RECQL5: variants seen among roughly 807,000 people sequenced by gnomAD.
The protein encoded by RECQL5 is ATP-dependent DNA helicase Q5.
Under a neutral mutation model 103.4 loss-of-function variants are expected in RECQL5, and 88 were observed. The ratio of observed to expected loss-of-function variants is 0.85; its 90% CI spans 0.72 to 1.02. RECQL5 has a LOEUF of 1.02. Ranked by LOEUF, RECQL5 falls within the 50% of genes least tolerant of loss-of-function variation. The pLI is 0.00. For synonymous variants in RECQL5, 552 were observed against 507.9 expected, an observed-to-expected ratio of 1.09 and a Z score of -1.17; for missense variants, 1,232 against 1,284.3, an observed-to-expected ratio of 0.96 and a Z score of 0.62.
At chr17:75,635,979 TAAAG>T in intron 8 of RECQL5, 1 of 430,256 alleles carries the variant, frequency 2.3e-6, no homozygotes, top group Non-Finnish European at 3.1e-6. Context: ...AGATGCCACA[TAAAG>T]GAATGCTTCC....
At chr17:75,658,273 A>T in intron 7 of RECQL5, 25 bp downstream of exon 7, 1 of 1,606,434 alleles carries the variant, frequency 6.2e-7, no homozygotes, top group East Asian at 2.2e-5. Flanking sequence ...TCAGACTGAA[A>T]GACCTTCTAC....
At position 75,640,139 on chromosome 17, in the gene RECQL5, C is replaced by T; in HGVS notation, c.1230-8471G>A. On this transcript the variant is annotated intron_variant, in intron 8 of 19. Transcript: ENST00000317905. This position sits in a 1 kb window ranked among gnomAD's most constrained non-coding sequence, Gnocchi z 4.6. ...ACGAGTGTGGGGCCAGCCGTGGAGG[C>T]TCCAGGTGTTCTCTCTGCCCCAGCA... is the stretch of plus-strand genomic sequence containing the variant. 3 of 1,488,166 alleles carry T rather than the reference C, an allele frequency of 2.0e-6. No individual in the cohort carries two copies. The highest frequency in any genetic ancestry group is 2.7e-6 in the Non-Finnish European group (3 of 1,121,862). 92.2% of individuals were successfully genotyped at this position (1,488,166 alleles called of 1,614,324 possible). A position where few individuals can be genotyped will look rare whatever the true frequency, so the allele number is the denominator to read the frequency against.
intron 8 of RECQL5, chr17:75,633,316 TG>T: frequency 1.6e-6 from 1 of 630,824 alleles, no homozygotes; most frequent in Non-Finnish European, 2.3e-6. Flanking sequence ...ACAGCGGGGC[TG>T]GGGTCGGTTT....
chr17:75,634,325 C>T lies in RECQL5; in HGVS notation c.1230-2657G>A, dbSNP rs528935623. On this transcript the variant is annotated intron_variant, in intron 8 of 19. Transcript: ENST00000317905. Reference sequence around the variant, plus strand: ...AGAGGTCTTCGGGGACATGCTGGGTCGCTTCCCTGCAGGGAAGTCAGCCAG... The same window carrying T: ...AGAGGTCTTCGGGGACATGCTGGGTTGCTTCCCTGCAGGGAAGTCAGCCAG... The T allele has an allele frequency of 6.9e-4, 634 of 919,546 alleles. 1 individual carries two copies. Among genetic ancestry groups the T allele is most frequent in the South Asian group, 3.8e-3 (76 of 19,982 alleles). The allele number at this position is 919,546 out of a possible 1,614,324, so 57.0% of individuals were successfully genotyped here.
At chr17:75,628,608 C>G in intron 17 of RECQL5, 64 bp downstream of exon 17, 1 of 1,523,828 alleles carries the variant, frequency 6.6e-7, no homozygotes, top group South Asian at 1.3e-5. Flanking sequence ...GAGCAGGGCA[C>G]AACAGCTCCT....
chr17:75,629,270 C>T lies in RECQL5; in HGVS notation c.2153G>A (p.Gly718Glu). 6.2e-7 allele frequency: 1 copy of T among 1,605,224 alleles called. No individual in the cohort carries two copies. The highest frequency in any genetic ancestry group is 1.1e-5 in the South Asian group (1 of 90,562). ...PLPGPRGEVP[G>E]GSAHYGGPSP... ...GGGCCCCCCATAGTGAGCGCTGCCT[C>T]CAGGGACCTCCCCTCTGGGCCCAGG... Residue 718 changes from glycine (G) to glutamate (E), a missense_variant, in exon 16 of 20, where the codon GGA becomes GAA. Physicochemically the swap from Gly to Glu is moderately conservative, Grantham distance 98. Transcript: ENST00000317905.
Position 75,630,273 on chromosome 17 carries a change from C to T in RECQL5, c.1723G>A (p.Asp575Asn), listed in dbSNP as rs763219972. The T allele has an allele frequency of 4.5e-6, 7 of 1,556,460 alleles. No homozygotes were observed. Among genetic ancestry groups the T allele is most frequent in the Non-Finnish European group, 6.1e-6 (7 of 1,149,330 alleles). ...AGCTCCACGGCCTTGGCCCGGAGGT[C>T]AGCTCTGTGGGTGCAAGGTAACAGG... The part of the protein sequence containing the change: ...RQSTRTADEA[D>N]LRAKAVELEH... The change falls in exon 14 of 20, where the codon GAC becomes AAC. Residue 575 changes from aspartate (D) to asparagine (N), a missense_variant. Coordinates refer to ENST00000317905, the MANE Select transcript of RECQL5 (RefSeq NM_004259.7).
intron 8 of RECQL5, chr17:75,634,101 C>T (rs944145976): frequency 3.5e-5 from 34 of 985,416 alleles, no homozygotes; most frequent in Non-Finnish European, 4.0e-5. Flanking sequence ...TGGGCTGAGG[C>T]GCCCAGGGGA....
intron 8 of RECQL5, among the ~76,000 whole-genome samples, chr17:75,645,882 G>A (rs1224801025): frequency 6.6e-6 from 1 of 152,124 alleles, no homozygotes; most frequent in Non-Finnish European, 1.5e-5. Flanking sequence ...AAAGCTCCTA[G>A]ATCTTTACCA....
intron 4 of RECQL5, 54 bp downstream of exon 4, chr17:75,662,425 C>T: frequency 6.4e-7 from 1 of 1,558,628 alleles, no homozygotes; most frequent in Admixed American, 1.8e-5. Flanking sequence ...CCATCTCCAT[C>T]ACATCGCACC....
chr17:75,662,607 T>C lies in RECQL5; in HGVS notation c.643A>G (p.Ile215Val), dbSNP rs755333845. The change falls in exon 4 of 20, where the codon ATC becomes GTC. Residue 215 changes from isoleucine (I) to valine (V), a missense_variant. Physicochemically the swap from Ile to Val is conservative, Grantham distance 29 (BLOSUM62 3). Transcript: ENST00000317905. ...GCCCGGAAGCAGGGAGTCTTGAAGA[T>C]GGCAACTGGTTTCTTCAGGTGCAGG... ...AALHLKKPVA[I>V]FKTPCFRANL... 1 of 1,614,076 alleles carries C rather than the reference T, an allele frequency of 6.2e-7. No homozygotes were observed. Among genetic ancestry groups the C allele is most frequent in the African/African-American group, 1.3e-5 (1 of 74,926 alleles).
intron 8 of RECQL5, chr17:75,648,977 G>T (rs1035941526): frequency 6.6e-6 from 1 of 152,134 alleles, no homozygotes; most frequent in African/African-American, 2.4e-5. Context: ...ACAGGTATGA[G>T]CCACCATGGC....
intron 8 of RECQL5, among the ~76,000 whole-genome samples, chr17:75,633,106 TG>T (rs2059250437): frequency 6.6e-6 from 1 of 152,246 alleles, no homozygotes; most frequent in African/African-American, 2.4e-5. Flanking sequence ...AGGGCGCTCC[TG>T]CCCCCACTCT....
At chr17:75,665,205 C>T (rs146268842) in intron 2 of RECQL5, 33 bp from the exon 3 acceptor site, 11 of 1,583,402 alleles carry the variant, frequency 6.9e-6, no homozygotes, top group African/African-American at 1.4e-5. Context: ...TATCTCAGTG[C>T]TTCCTGCCTT....
chr17:75,628,950 G>A lies in RECQL5; in HGVS notation c.2473C>T (p.Leu825Phe), dbSNP rs199907830. The change falls in exon 16 of 20, where the codon CTC (leucine) becomes TTC (phenylalanine). Residue 825 changes from leucine to phenylalanine, a missense_variant. Physicochemically the swap from Leu to Phe is conservative, Grantham distance 22. Transcript: ENST00000317905. ...TACCCTTACCTTGGCCTCTCCCTGA[G>A]GCACTCCTCAGTCTGGGGAGGGGCA... ...SPAPPQTEEC[L>F]RERPSTCPPR... 9.8e-5 allele frequency: 154 copies of A among 1,572,424 alleles called. No individual in the cohort carries two copies. The highest frequency in any genetic ancestry group is 4.9e-5 in the Non-Finnish European group (57 of 1,164,490).
intron 8 of RECQL5, chr17:75,646,274 G>A (rs1168667952): frequency 6.6e-6 from 1 of 152,430 alleles, no homozygotes; most frequent in African/African-American, 2.4e-5. Context: ...CACAGGAAGT[G>A]AGCCCTACGC....
intron 14 of RECQL5, 43 bp downstream of exon 14, chr17:75,630,141 G>A (rs2059179108): frequency 2.0e-6 from 3 of 1,480,934 alleles, no homozygotes; most frequent in Middle Eastern, 1.9e-4. Context: ...AGAGTATGGA[G>A]GGGCCCCTGC....
intron 8 of RECQL5, among the ~76,000 whole-genome samples, chr17:75,643,805 A>G (rs1163193449): frequency 6.6e-6 from 1 of 152,230 alleles, no homozygotes; most frequent in Admixed American, 6.5e-5. Flanking sequence ...GCCATCCTGG[A>G]CCATGCCACC....
In RECQL5 at chr17:75,662,809, G is replaced by A. The variant is rs763058935; in HGVS notation, c.441C>T (p.Ser147=). ...SFQPTLNSLV[S]RHLLSYLVVD... ...CCACCAAGTAAGACAGCAGGTGGCG[G>A]GACACCAGGGAGTTCAGGGTGGGCT... Residue 147 remains serine (S), a synonymous_variant, in exon 4 of 20, where the codon TCC becomes TCT. Transcript: ENST00000317905. The A allele has an allele frequency of 8.1e-6, 13 of 1,614,002 alleles. No homozygotes were observed. The highest frequency in any genetic ancestry group is 1.6e-4 in the Middle Eastern group (1 of 6,084).
Sources: allele counts gnomAD v4.1 joint callset (sites outside exome capture counted in the v4.1 genomes callset), GRCh38; gene constraint gnomAD v4.1.1; non-coding constraint Gnocchi (gnomAD v3.1); transcripts MANE v1.5; gene names NCBI Gene and HGNC (gene_info 2026-07-23, HGNC 2026-07-21).